NLRP13: variants seen among roughly 807,000 people sequenced by gnomAD.
NLRP13 encodes the protein NACHT, LRR and PYD domains-containing protein 13.
A neutral mutation model predicts 94.4 loss-of-function variants in NLRP13; 82 were observed. The ratio of observed to expected loss-of-function variants is 0.87; its 90% CI spans 0.73 to 1.04. The LOEUF is 1.04. Ranked by LOEUF, NLRP13 falls within the 50% of genes least tolerant of loss-of-function variation. The pLI is 0.00. For synonymous variants in NLRP13, 553 were observed against 464.7 expected (o/e 1.19, Z -2.45); for missense variants, 1,426 against 1,230.8 (o/e 1.16, Z -2.37).
At chr19:55,927,796 C>T (rs189338263) in intron 1 of NLRP13, among the ~76,000 whole-genome samples, 20 of 152,268 alleles carry the variant, frequency 1.3e-4, no homozygotes, top group Non-Finnish European at 2.5e-4. Flanking sequence ...AGAATTGTGG[C>T]CCCGTGGTAA....
At position 55,911,883 on chromosome 19, in the gene NLRP13, G is replaced by C. The variant is rs1986525120; in HGVS notation, c.1934C>G (p.Ser645Cys). 1 of 1,613,976 alleles carries C rather than the reference G, an allele frequency of 6.2e-7. No homozygotes were observed. Among genetic ancestry groups the C allele is most frequent in the African/African-American group, 1.3e-5 (1 of 74,920 alleles). ...ILRLFHCLHE[S>C]QEEDFTKKML... is the part of the protein sequence containing the mutation. ...CTTCTTTGTGAAGTCTTCCTCCTGG[G>C]ACTCGTGTAGGCAGTGAAAAAGTCG... Residue 645 changes from serine to cysteine, a missense_variant, in exon 5 of 11, where the codon TCC (serine) becomes TGC (cysteine). Ser to Cys is a moderately radical substitution (Grantham distance 112, BLOSUM62 -1). Transcript: ENST00000342929.
intron 4 of NLRP13, among the ~76,000 whole-genome samples, chr19:55,923,483 C>A (rs1986889101): frequency 6.6e-6 from 1 of 152,148 alleles, no homozygotes. Context: ...CCTTTCATCA[C>A]CCACGCGCAG....
downstream of NLRP13, chr19:55,892,109 G>C: frequency 8.1e-7 from 1 of 1,232,002 alleles, no homozygotes; most frequent in Non-Finnish European, 1.0e-6. Context: ...CATTGTGCAG[G>C]TCTTTTTGAA....
At chr19:55,902,629 G>A (rs1179338938) in intron 8 of NLRP13, among the ~76,000 whole-genome samples, 4 of 152,148 alleles carry the variant, frequency 2.6e-5, no homozygotes, top group African/African-American at 9.7e-5. Flanking sequence ...AGAGCTGCCA[G>A]TGAGCCCACG....
chr19:55,894,485 A>T (rs1249432725), downstream of NLRP13, among the ~76,000 whole-genome samples: 1 of 152,174 alleles, frequency 6.6e-6, no homozygotes, highest in Non-Finnish European at 1.5e-5. Context: ...AAACATCCTC[A>T]GTACATTCCA....
At chr19:55,899,479 C>CTG (rs1555813577) in intron 9 of NLRP13, among the ~76,000 whole-genome samples, 1 of 151,958 alleles carries the variant, frequency 6.6e-6, no homozygotes, top group South Asian at 2.1e-4. Flanking sequence ...TAAACCCACC[C>CTG]CCCCCATCCC....
chr19:55,905,042 C>G lies in NLRP13; in HGVS notation c.2518G>C (p.Val840Leu). 1.2e-6 allele frequency: 2 copies of G among 1,613,644 alleles called. No individual in the cohort carries two copies. Among genetic ancestry groups the G allele is most frequent in the East Asian group, 2.2e-5 (1 of 44,850 alleles). The change falls in exon 8 of 11, where the codon GTA (valine) becomes CTA (leucine). Residue 840 changes from valine to leucine, a missense_variant. By Grantham distance (32) the Val-to-Leu change is conservative. Coordinates refer to ENST00000342929, the MANE Select transcript of NLRP13 (RefSeq NM_176810.2). ...LALFLTSIQH[V>L]TRLCLGFNRL... ...TTAAATCCCAGGCACAATCGAGTTA[C>G]GTGTTGGATGCTGGTGAGAAACAAG...
Position 55,899,479 on chromosome 19 carries a change from C to CCG in NLRP13, c.2790-543_2790-542insCG, listed in dbSNP as rs201448545. Among the ~76,000 whole-genome samples, 1,222 of 152,066 alleles carry CCG rather than the reference C, an allele frequency of 8.0e-3. 13 individuals carry two copies. The highest frequency in any genetic ancestry group is 0.036 in the South Asian group (175 of 4,812). ...GTCATCCAAAATCCTTAAACCCACC[C>CCG]CCCCCATCCCAAAAAGGTTTGGCCG... is the stretch of plus-strand genomic sequence containing the variant. On this transcript the variant is annotated intron_variant, in intron 9 of 10. Coordinates refer to ENST00000342929, the MANE Select transcript of NLRP13 (RefSeq NM_176810.2).
chr19:55,912,487 C>T lies in NLRP13; in HGVS notation c.1330G>A (p.Asp444Asn), dbSNP rs150988752. 5 of 1,614,090 alleles carry T rather than the reference C, an allele frequency of 3.1e-6. No individual in the cohort carries two copies. Among genetic ancestry groups the T allele is most frequent in the Non-Finnish European group, 3.4e-6 (4 of 1,179,964 alleles). Residue 444 changes from aspartate to asparagine, a missense_variant, in exon 5 of 11, where the codon GAT becomes AAT. By Grantham distance (23) the Asp-to-Asn change is conservative. Coordinates refer to ENST00000342929, the MANE Select transcript of NLRP13 (RefSeq NM_176810.2). ...GTAGTCTGAGTGATTGACTGGAGAT[C>T]GTAATACCTCACCTTCGGCTGCTTC... ...CLKQPKVRYY[D>N]LQSITQTTTS...
At chr19:55,893,566 A>G (rs1985915046), downstream of NLRP13, among the ~76,000 whole-genome samples, 1 of 152,116 alleles carries the variant, frequency 6.6e-6, no homozygotes, top group Non-Finnish European at 1.5e-5. Flanking sequence ...CAGGGAGAAG[A>G]TTTGATGGCA....
intron 10 of NLRP13, among the ~76,000 whole-genome samples, chr19:55,897,066 ATTATTCC>A (rs1986036753): frequency 1.3e-5 from 2 of 152,190 alleles, no homozygotes; most frequent in South Asian, 4.1e-4. Flanking sequence ...AAATAGCACT[ATTATTCC>A]TTATTTACAC....
Position 55,913,227 on chromosome 19 carries a change from C to T in NLRP13, c.590G>A (p.Trp197Ter). ...ELLETWDNIS[W>*]PKDHVYIRNT... ...ACGGATATATACGTGGTCTTTAGGC[C>T]AACTGATGTTGTCCCATGTCTCCAG... Residue 197 changes from tryptophan to a stop codon, truncating the protein, a stop_gained, in exon 5 of 11, where the codon TGG becomes TAG. Coordinates refer to ENST00000342929, the MANE Select transcript of NLRP13 (RefSeq NM_176810.2). LOFTEE classifies it high-confidence loss of function. The T allele has an allele frequency of 6.2e-7, 1 of 1,614,046 alleles. No homozygotes were observed. The highest frequency in any genetic ancestry group is 1.1e-5 in the South Asian group (1 of 91,080).
rs759067966 is a variant in NLRP13, at chr19:55,912,233, A to G, written c.1584T>C (p.Cys528=). Residue 528 remains cysteine, a synonymous_variant, in exon 5 of 11, where the codon TGT becomes TGC. Transcript: ENST00000342929. The part of the protein sequence containing the change: ...EFNILQKIND[C]GGCTTFTHLS... ...GGTGGGTGAAAGTAGTGCAACCCCC[A>G]CAGTCATTGATCTTTTGAAGAATAT... 3 of 1,614,042 alleles carry G rather than the reference A, an allele frequency of 1.9e-6. No individual in the cohort carries two copies. The highest frequency in any genetic ancestry group is 2.5e-6 in the Non-Finnish European group (3 of 1,180,020).
rs779431122 is a variant in NLRP13 at position 55,913,249 on chromosome 19, C to T, written c.568G>A (p.Glu190Lys). Residue 190 changes from glutamate to lysine, a missense_variant, in exon 5 of 11, where the codon GAG becomes AAG. Glu to Lys is a moderately conservative substitution (Grantham distance 56). Coordinates refer to ENST00000342929, the MANE Select transcript of NLRP13 (RefSeq NM_176810.2). ...GGCCAACTGATGTTGTCCCATGTCT[C>T]CAGTAGTTCAGCCTTCATGTTCTCT... Reference protein sequence around the residue: ...YRENMKAELLETWDNISWPKD... With the variant: ...YRENMKAELLKTWDNISWPKD... 8.1e-6 allele frequency: 13 copies of T among 1,613,940 alleles called. No homozygotes were observed. In the African/African-American group the frequency reaches 1.6e-4, roughly 20 times the overall value.
chr19:55,909,106 G>A (rs1986433293), intron 6 of NLRP13, among the ~76,000 whole-genome samples: 1 of 152,146 alleles, frequency 6.6e-6, no homozygotes, highest in African/African-American at 2.4e-5. Flanking sequence ...AAGCAAGGTA[G>A]AATTCATTGG....
At chr19:55,931,922 A>G in intron 1 of NLRP13, 71 bp downstream of exon 1, 1 of 1,418,210 alleles carries the variant, frequency 7.1e-7, no homozygotes, top group Non-Finnish European at 9.8e-7. Flanking sequence ...ACCCCACAAA[A>G]ACCCAGCGGC....
intron 7 of NLRP13, among the ~76,000 whole-genome samples, chr19:55,906,811 G>A (rs1445041742): frequency 2.0e-5 from 3 of 152,040 alleles, no homozygotes; most frequent in Non-Finnish European, 2.9e-5. Flanking sequence ...ATCCCTTTCA[G>A]AGGTTGGATG....
In NLRP13 at chr19:55,913,311, G is replaced by T. The variant is rs750290535; in HGVS notation, c.524-18C>A. ...TCTGTGGTCTAGAGAGGGCGGAGTG[G>T]GGAGAAGAATGGTAAGAATAAATTT... On this transcript the variant is annotated intron_variant, in intron 4 of 10. Coordinates refer to ENST00000342929, the MANE Select transcript of NLRP13 (RefSeq NM_176810.2). 3.7e-6 allele frequency: 6 copies of T among 1,601,776 alleles called. No homozygotes were observed. The East Asian group carries it at 1.3e-4, about 36-fold the overall frequency.
At chr19:55,918,466 G>A (rs1474244261) in intron 4 of NLRP13, among the ~76,000 whole-genome samples, 1 of 151,824 alleles carries the variant, frequency 6.6e-6, no homozygotes, top group African/African-American at 2.4e-5. Flanking sequence ...AAATAAACAA[G>A]ATTGATAGAT....
Sources: allele counts gnomAD v4.1 joint callset (sites outside exome capture counted in the v4.1 genomes callset), GRCh38; gene constraint gnomAD v4.1.1; transcripts MANE v1.5; gene names NCBI Gene and HGNC (gene_info 2026-07-23, HGNC 2026-07-21).